Variants in IL1RAPL1 observed in about 807,000 individuals in gnomAD.
IL1RAPL1 encodes the protein interleukin-1 receptor accessory protein-like 1.
IL1RAPL1 carries 3 observed loss-of-function variants against 48.4 expected under a neutral mutation model. The observed-to-expected ratio is 0.06, with a 90% confidence interval of 0.03 to 0.16. The LOEUF (loss-of-function observed/expected upper bound fraction) is 0.16. Ranked by LOEUF, IL1RAPL1 falls within the 10% of genes least tolerant of loss-of-function variation. The probability of loss-of-function intolerance (pLI) is 1.00; values close to 1 mark genes in which losing one functional copy is unlikely to be tolerated. For missense variants in IL1RAPL1, 349 were observed against 530.6 expected (o/e 0.66, Z 3.36); for synonymous variants, 185 against 187.7 (o/e 0.99, Z 0.12).
intron 3 of IL1RAPL1, among the ~76,000 whole-genome samples, chrX:29,336,269 C>CATATATATATATATATAT (rs57126796): frequency 0.012 from 709 of 57,406 alleles, 25 homozygotes; most frequent in African/African-American, 0.014. Flanking sequence ...ATATATATGC[C>CATATATATATATATATAT]ATATATATAT....
intron 3 of IL1RAPL1, among the ~76,000 whole-genome samples, chrX:29,285,925 C>A (rs1458163384): frequency 8.9e-6 from 1 of 111,750 alleles, no homozygotes; most frequent in Non-Finnish European, 1.9e-5. Context: ...ATATTGTTAG[C>A]TATCAGGCCA....
At chrX:29,802,747 T>TTATATATATATATA (rs1210417673) in intron 6 of IL1RAPL1, among the ~76,000 whole-genome samples, 12 of 36,256 alleles carry the variant, frequency 3.3e-4, no homozygotes, top group Admixed American at 8.1e-4. Context: ...GAGGAAAAAA[T>TTATATATATATATA]TATATATATA....
chrX:29,913,964 T>TC (rs1932779182), intron 6 of IL1RAPL1, among the ~76,000 whole-genome samples: 1 of 112,242 alleles, frequency 8.9e-6, no homozygotes, highest in African/African-American at 3.2e-5. Context: ...CCAGGCTTTT[T>TC]CTCACTCATG....
intron 3 of IL1RAPL1, among the ~76,000 whole-genome samples, chrX:29,332,653 AT>A (rs1166480434): frequency 0.096 from 6,241 of 65,107 alleles, 493 homozygotes; most frequent in African/African-American, 0.27. Flanking sequence ...TATTTATTTT[AT>A]TTTTTTTTTT....
chrX:29,381,514 A>C (rs1393987666), intron 3 of IL1RAPL1, among the ~76,000 whole-genome samples: 2 of 93,193 alleles, frequency 2.1e-5, no homozygotes, highest in African/African-American at 7.8e-5. Flanking sequence ...AAAAAAAAAA[A>C]AAAAAAAAAA....
chrX:29,230,960 C>T (rs958510996), intron 2 of IL1RAPL1, among the ~76,000 whole-genome samples: 1 of 111,495 alleles, frequency 9.0e-6, no homozygotes, highest in Non-Finnish European at 1.9e-5. Flanking sequence ...TTTAAGAGAG[C>T]TGTTGTAAGT....
intron 5 of IL1RAPL1, among the ~76,000 whole-genome samples, chrX:29,550,685 G>C (rs1471309923): frequency 9.0e-6 from 1 of 111,368 alleles, no homozygotes; most frequent in Non-Finnish European, 1.9e-5. Flanking sequence ...TTGTACAGTT[G>C]ATGGAAGTGG....
intron 6 of IL1RAPL1, among the ~76,000 whole-genome samples, chrX:29,742,881 G>A (rs1214303510): frequency 9.0e-6 from 1 of 111,045 alleles, no homozygotes; most frequent in Non-Finnish European, 1.9e-5. Flanking sequence ...GCTGTGGCAT[G>A]GAGGAAGATT....
At chrX:28,887,711 C>T (rs1922672787) in intron 2 of IL1RAPL1, among the ~76,000 whole-genome samples, 1 of 111,653 alleles carries the variant, frequency 9.0e-6, no homozygotes, top group African/African-American at 3.3e-5. Context: ...TTCTGAAACA[C>T]ACTTTTGTTT....
At chrX:28,669,462 TA>T (rs1158929139) in intron 1 of IL1RAPL1, among the ~76,000 whole-genome samples, 1 of 107,504 alleles carries the variant, frequency 9.3e-6, no homozygotes, top group East Asian at 2.9e-4. Flanking sequence ...CTACTAAAAA[TA>T]AAAAAACTAG....
chrX:29,867,451 C>CT (rs200562687), intron 6 of IL1RAPL1, among the ~76,000 whole-genome samples: 1,174 of 111,521 alleles, frequency 0.011, 14 homozygotes, highest in African/African-American at 0.035. Flanking sequence ...GGCCTAGGCC[C>CT]TTTTTTGCCA....
intron 3 of IL1RAPL1, among the ~76,000 whole-genome samples, chrX:29,393,407 C>T (rs1402284099): frequency 8.9e-6 from 1 of 112,031 alleles, no homozygotes; most frequent in East Asian, 2.8e-4. Flanking sequence ...AGGCTTGAGC[C>T]ACCGCGCCCT....
At chrX:28,887,133 T>A (rs999716216) in intron 2 of IL1RAPL1, among the ~76,000 whole-genome samples, 2 of 111,289 alleles carry the variant, frequency 1.8e-5, no homozygotes, top group Admixed American at 9.6e-5. Flanking sequence ...GTGGTTGTAT[T>A]GAGAGGTGGA....
chrX:28,766,033 T>C (rs1421770231), intron 1 of IL1RAPL1, among the ~76,000 whole-genome samples: 1 of 111,655 alleles, frequency 9.0e-6, no homozygotes, highest in East Asian at 2.8e-4. Flanking sequence ...GGAAAATGCA[T>C]ACCCTGATAT....
At chrX:29,225,592 G>A (rs958872330) in intron 2 of IL1RAPL1, among the ~76,000 whole-genome samples, 4 of 112,060 alleles carry the variant, frequency 3.6e-5, no homozygotes, top group African/African-American at 1.3e-4. Flanking sequence ...TTCCACTGAA[G>A]CAAAAGGTGA....
At chrX:28,986,374 T>G (rs995907753) in intron 2 of IL1RAPL1, among the ~76,000 whole-genome samples, 6 of 112,485 alleles carry the variant, frequency 5.3e-5, no homozygotes, top group African/African-American at 1.9e-4. Flanking sequence ...TACTTTGTCT[T>G]TTCCCCAAAA....
intron 2 of IL1RAPL1, among the ~76,000 whole-genome samples, chrX:29,096,056 TTA>T (rs1385154942): frequency 9.0e-6 from 1 of 111,714 alleles, no homozygotes; most frequent in Non-Finnish European, 1.9e-5. Flanking sequence ...GAATTTTTAA[TTA>T]TCTTTGATAA....
At chrX:28,593,799 G>A (rs1028526719) in intron 1 of IL1RAPL1, among the ~76,000 whole-genome samples, 4 of 110,649 alleles carry the variant, frequency 3.6e-5, no homozygotes, top group African/African-American at 1.3e-4. Flanking sequence ...TAATCAAAAC[G>A]AGTTACCTTA....
chrX:28,720,373 A>C (rs933990976), intron 1 of IL1RAPL1, among the ~76,000 whole-genome samples: 6 of 111,673 alleles, frequency 5.4e-5, no homozygotes, highest in Non-Finnish European at 9.4e-5. Flanking sequence ...TGGCACAAGG[A>C]AACAATGTAG....
Sources: gnomAD v4.1 joint callset for allele counts (sites outside exome capture counted in the v4.1 genomes callset) on GRCh38, gnomAD v4.1.1 for gene constraint, MANE v1.5 for transcripts, NCBI Gene and HGNC (gene_info 2026-07-23, HGNC 2026-07-21) for gene names.